NEK10: variants seen among roughly 807,000 people sequenced by gnomAD.
NEK10 encodes serine/threonine-protein kinase Nek10.
A neutral mutation model predicts 159.8 loss-of-function variants in NEK10; 122 were observed. The observed-to-expected ratio is 0.76, with a 90% CI of 0.66 to 0.89. NEK10 has a LOEUF of 0.89. Among genes scored for constraint, NEK10 ranks in the 40% least tolerant of loss-of-function variants. The pLI is 0.00. For synonymous variants in NEK10, 466 were observed against 457.1 expected, an observed-to-expected ratio of 1.02 and a Z score of -0.25; for missense variants, 1,342 against 1,323.1, an observed-to-expected ratio of 1.01 and a Z score of -0.22.
At chr3:27,350,320 T>C (rs1383440976) in intron 3 of NEK10, among the ~76,000 whole-genome samples, 1 of 152,146 alleles carries the variant, frequency 6.6e-6, no homozygotes, top group Non-Finnish European at 1.5e-5. Flanking sequence ...TATGACAACC[T>C]ATCACACTTT....
intron 26 of NEK10, among the ~76,000 whole-genome samples, chr3:27,184,556 A>G (rs1210408112): frequency 1.3e-5 from 2 of 152,206 alleles, no homozygotes; most frequent in African/African-American, 4.8e-5. Flanking sequence ...TGTAAATTAT[A>G]TGTCAATAAA....
intron 14 of NEK10, 41 bp from the exon 15 acceptor site, chr3:27,295,731 T>C (rs1455414267): frequency 6.6e-7 from 1 of 1,515,288 alleles, no homozygotes; most frequent in Non-Finnish European, 8.8e-7. Flanking sequence ...GACAACACTG[T>C]AGTGATACAC....
At chr3:27,278,980 A>C in intron 22 of NEK10, 1 of 933,516 alleles carries the variant, frequency 1.1e-6, no homozygotes, top group Non-Finnish European at 1.3e-6. Context: ...AGACCTGAAC[A>C]TGTGTCATGG....
rs140290083 is a variant in NEK10, at chr3:27,346,263, G to A, written c.133-47C>T. 5.7e-4 allele frequency: 904 copies of A among 1,599,698 alleles called. 1 individual carries two copies. The highest frequency in any genetic ancestry group is 7.2e-4 in the Non-Finnish European group (846 of 1,170,564). ...GTACATGAGGATCACAATTCAGCAC[G>A]GGATAAAGAAAGTAACAAAATATGG... is the stretch of plus-strand genomic sequence containing the variant. On this transcript the variant is annotated intron_variant, in intron 3 of 35. Transcript: ENST00000691995.
At chr3:27,284,744 A>C (rs2042450344) in intron 21 of NEK10, 40 bp from the exon 22 acceptor site, 1 of 1,532,088 alleles carries the variant, frequency 6.5e-7, no homozygotes, top group Non-Finnish European at 9.0e-7. Context: ...ATTTCCCCCA[A>C]CATACATATA....
In NEK10 at chr3:27,282,878, A is replaced by G. The variant is rs563829208; in HGVS notation, c.2014+1724T>C. ...TCAGGAAATATAAGTTCAATTTATAAAAAGAGAAAACATAAAAAGCCTAAG... is the reference window on the plus strand; with the variant it reads ...TCAGGAAATATAAGTTCAATTTATAGAAAGAGAAAACATAAAAAGCCTAAG... On this transcript the variant is annotated intron_variant, in intron 22 of 35. Transcript: ENST00000691995. Among the ~76,000 whole-genome samples the G allele has an allele frequency of 4.6e-4, 70 of 151,744 alleles. 1 individual carries two copies. Among genetic ancestry groups the G allele is most frequent in the African/African-American group, 1.7e-3 (69 of 41,512 alleles).
At chr3:27,130,271 AG>A (rs1163290336) in intron 32 of NEK10, among the ~76,000 whole-genome samples, 1 of 152,166 alleles carries the variant, frequency 6.6e-6, no homozygotes, top group African/African-American at 2.4e-5. Context: ...TCTATTCCTG[AG>A]GGTTCTCTCA....
intron 23 of NEK10, among the ~76,000 whole-genome samples, chr3:27,234,057 A>C (rs1291907416): frequency 6.6e-6 from 1 of 152,054 alleles, no homozygotes; most frequent in Non-Finnish European, 1.5e-5. Context: ...AAAGGCTTTC[A>C]ATAAAATTCA....
At chr3:27,135,627 T>C (rs1421292615) in intron 31 of NEK10, among the ~76,000 whole-genome samples, 1 of 152,244 alleles carries the variant, frequency 6.6e-6, no homozygotes, top group Non-Finnish European at 1.5e-5. Context: ...CAGGACTCCA[T>C]TTGATAAAAA....
At chr3:27,290,420 A>C (rs936098275) in intron 19 of NEK10, among the ~76,000 whole-genome samples, 197 bp downstream of exon 19, 2 of 152,202 alleles carry the variant, frequency 1.3e-5, no homozygotes, top group Non-Finnish European at 2.9e-5. Context: ...CATGACCCTG[A>C]TATAAACTCC....
chr3:27,349,944 T>C (rs1232140307), intron 3 of NEK10, among the ~76,000 whole-genome samples: 1 of 152,116 alleles, frequency 6.6e-6, no homozygotes, highest in Non-Finnish European at 1.5e-5. Context: ...AGAGTGTAGG[T>C]CAGGACAAAG....
intron 26 of NEK10, among the ~76,000 whole-genome samples, chr3:27,182,564 T>C (rs1307604736): frequency 1.3e-5 from 2 of 151,744 alleles, no homozygotes; most frequent in Non-Finnish European, 2.9e-5. Context: ...AAAATGGAAA[T>C]ACCATATGAT....
chr3:27,292,596 G>C, intron 16 of NEK10, among the ~76,000 whole-genome samples: 1 of 152,142 alleles, frequency 6.6e-6, no homozygotes, highest in South Asian at 2.1e-4. Context: ...CACTTTGGGA[G>C]GCCAAGGCGG....
intron 22 of NEK10, among the ~76,000 whole-genome samples, chr3:27,270,635 C>T (rs1406424228): frequency 2.6e-5 from 4 of 152,100 alleles, no homozygotes; most frequent in African/African-American, 7.2e-5. Flanking sequence ...CTATTCCTCC[C>T]GAACAGACTC....
chr3:27,310,722 G>GA (rs11416748), intron 9 of NEK10: 93,549 of 399,958 alleles, frequency 0.23, 11,671 homozygotes, highest in Middle Eastern at 0.36. Flanking sequence ...AATGGCATAG[G>GA]AAAAAAAAGA....
At chr3:27,336,725 CA>C (rs764420608) in intron 5 of NEK10, among the ~76,000 whole-genome samples, 27 of 152,062 alleles carry the variant, frequency 1.8e-4, no homozygotes, top group Admixed American at 1.5e-3. Context: ...TACATCACAT[CA>C]ACAGAATGAA....
intron 22 of NEK10, among the ~76,000 whole-genome samples, chr3:27,259,573 T>C (rs1277346829): frequency 6.6e-6 from 1 of 152,182 alleles, no homozygotes; most frequent in Non-Finnish European, 1.5e-5. Flanking sequence ...GTTCCATTGG[T>C]CTGTATCTCT....
At chr3:27,178,146 C>T (rs944567273) in intron 26 of NEK10, among the ~76,000 whole-genome samples, 2 of 152,266 alleles carry the variant, frequency 1.3e-5, no homozygotes, top group African/African-American at 4.8e-5. Flanking sequence ...CTAGTATTGG[C>T]ACAATTATGT....
Position 27,369,123 on chromosome 3 carries a change from G to C in NEK10, c.-38+102C>G, listed in dbSNP as rs1224352904. The C allele has an allele frequency of 5.9e-5, 9 of 152,270 alleles. No homozygotes were observed. The highest frequency in any genetic ancestry group is 5.9e-4 in the Admixed American group (9 of 15,266). The allele number at this position is 152,270 out of a possible 1,614,324, so 9.4% of individuals were successfully genotyped here. ...CTCTTGTCTAGTGAAGCTGGCTCCC[G>C]AGGCTTCGGGGCCGCTCCACAGGGA... On this transcript the variant is annotated intron_variant, in intron 1 of 35. Transcript: ENST00000691995. The surrounding 1 kb of genome is among the most constrained non-coding windows in gnomAD (Gnocchi z 4.2).
Sources: allele counts gnomAD v4.1 joint callset (sites outside exome capture counted in the v4.1 genomes callset), GRCh38; gene constraint gnomAD v4.1.1; non-coding constraint Gnocchi (gnomAD v3.1); transcripts MANE v1.5; gene names NCBI Gene and HGNC (gene_info 2026-07-23, HGNC 2026-07-21).